STK3: variants seen among roughly 807,000 people sequenced by gnomAD.
The protein encoded by STK3 is serine/threonine-protein kinase 3.
A neutral mutation model predicts 58.0 loss-of-function variants in STK3; 41 were observed. The observed-to-expected ratio is 0.71, with a 90% confidence interval of 0.55 to 0.92. STK3 has a LOEUF of 0.92. STK3 is among the 40% of genes least tolerant of loss of function. STK3 has a pLI of 0.00. For missense variants in STK3, 479 were observed against 602.7 expected, an observed-to-expected ratio of 0.79 and a Z score of 2.15; for synonymous variants, 170 against 191.0, an observed-to-expected ratio of 0.89 and a Z score of 0.91.
intron 9 of STK3, among the ~76,000 whole-genome samples, chr8:98,530,660 A>C (rs1222350153): frequency 1.3e-5 from 2 of 152,222 alleles, no homozygotes; most frequent in Admixed American, 6.5e-5. Flanking sequence ...TTGCTGTATC[A>C]GTTAACTCTT....
At chr8:98,761,672 C>T (rs1830626564) in intron 3 of STK3, among the ~76,000 whole-genome samples, 1 of 152,174 alleles carries the variant, frequency 6.6e-6, no homozygotes, top group African/African-American at 2.4e-5. Flanking sequence ...TAAAACTGAG[C>T]TGTTTCCAGC....
At chr8:98,540,674 A>G (rs1266770132) in intron 9 of STK3, among the ~76,000 whole-genome samples, 4 of 152,224 alleles carry the variant, frequency 2.6e-5, no homozygotes, top group Middle Eastern at 3.4e-3. Context: ...AAATTTAGCA[A>G]CCACTGCCGT....
chr8:98,838,899 C>G (rs1835850769), intron 3 of STK3, among the ~76,000 whole-genome samples: 2 of 151,212 alleles, frequency 1.3e-5, no homozygotes, highest in African/African-American at 2.4e-5. Flanking sequence ...AGGCCGTTTA[C>G]CTTCCTTGGC....
upstream of STK3, among the ~76,000 whole-genome samples, chr8:98,391,733 T>A (rs1817849969): frequency 6.6e-6 from 1 of 152,200 alleles, no homozygotes; most frequent in Non-Finnish European, 1.5e-5. Context: ...GGTTTTTAGC[T>A]GCATTTCACT....
chr8:98,652,693 TAAAAC>T (rs1821060791), intron 6 of STK3, among the ~76,000 whole-genome samples: 1 of 148,638 alleles, frequency 6.7e-6, no homozygotes, highest in Admixed American at 6.8e-5. Context: ...TAGTCTCTGA[TAAAAC>T]AGACTTTAAA....
At chr8:98,888,560 T>A (rs916837497) in intron 1 of STK3, among the ~76,000 whole-genome samples, 1 of 152,128 alleles carries the variant, frequency 6.6e-6, no homozygotes, top group Admixed American at 6.5e-5. Flanking sequence ...AAATCTTAAA[T>A]AAAAGTGTAA....
intron 6 of STK3, among the ~76,000 whole-genome samples, chr8:98,671,221 A>T (rs1822806239): frequency 6.6e-6 from 1 of 152,232 alleles, no homozygotes; most frequent in Non-Finnish European, 1.5e-5. Context: ...TTCCAGAAAC[A>T]TTACCTATGA....
intron 1 of STK3, among the ~76,000 whole-genome samples, chr8:98,775,029 GT>G (rs1284555327): frequency 3.9e-5 from 6 of 152,008 alleles, no homozygotes; most frequent in South Asian, 4.1e-4. Flanking sequence ...ACTTTTATTA[GT>G]TTTTTGTGAA....
At chr8:98,431,380 G>A (rs1407772951) in intron 3 of STK3, 3 of 167,072 alleles carry the variant, frequency 1.8e-5, no homozygotes, top group Non-Finnish European at 4.4e-5. Context: ...AAAGTGAGAT[G>A]ACTTAGAGGC....
chr8:98,811,337 C>A (rs1834202421), intron 1 of STK3, among the ~76,000 whole-genome samples: 10 of 152,124 alleles, frequency 6.6e-5, no homozygotes, highest in Admixed American at 6.5e-4. Flanking sequence ...GTTTTAATGA[C>A]CACACTGCTG....
At chr8:98,579,258 A>G (rs765861618) in intron 8 of STK3, among the ~76,000 whole-genome samples, 10 of 152,226 alleles carry the variant, frequency 6.6e-5, no homozygotes, top group Non-Finnish European at 1.3e-4. Context: ...ATTAATAGCT[A>G]GTTTAATATG....
chr8:98,640,463 AC>A (rs1370547690), intron 6 of STK3, among the ~76,000 whole-genome samples: 1 of 152,226 alleles, frequency 6.6e-6, no homozygotes, highest in Non-Finnish European at 1.5e-5. Flanking sequence ...ATATAAAAAA[AC>A]ATAAAAGTTA....
At chr8:98,886,433 T>C (rs1188346047) in intron 1 of STK3, among the ~76,000 whole-genome samples, 1 of 152,218 alleles carries the variant, frequency 6.6e-6, no homozygotes, top group African/African-American at 2.4e-5. Context: ...GCAATGTATT[T>C]GCAAGAGCAA....
chr8:98,584,344 C>T (rs563840352), intron 7 of STK3, among the ~76,000 whole-genome samples: 54 of 149,902 alleles, frequency 3.6e-4, no homozygotes, highest in African/African-American at 7.6e-4. Flanking sequence ...TGAGAATATA[C>T]GGTGTTTGGT....
At chr8:98,344,656 A>G in the STK3 span, among the ~76,000 whole-genome samples, 7 of 152,058 alleles carry the variant, frequency 4.6e-5, no homozygotes, top group South Asian at 6.2e-4. Context: ...CACTTTGGGA[A>G]GCCGAGGCGG....
downstream of STK3, among the ~76,000 whole-genome samples, chr8:98,454,068 T>C (rs1819324737): frequency 6.6e-6 from 1 of 152,238 alleles, no homozygotes; most frequent in African/African-American, 2.4e-5. Context: ...CAATTTATTA[T>C]TATTTGTAAG....
intron 3 of STK3, among the ~76,000 whole-genome samples, chr8:98,831,765 A>T (rs1051794474): frequency 6.6e-6 from 1 of 152,178 alleles, no homozygotes; most frequent in African/African-American, 2.4e-5. Context: ...TTTCTAACTT[A>T]GTTTTATAGT....
intron 1 of STK3, among the ~76,000 whole-genome samples, chr8:98,444,532 A>AGAGG (rs1340381489): frequency 6.6e-6 from 1 of 152,210 alleles, no homozygotes; most frequent in African/African-American, 2.4e-5. Context: ...GAGGTAGAAT[A>AGAGG]GAGGACACAG....
intron 4 of STK3, among the ~76,000 whole-genome samples, chr8:98,720,713 T>C (rs1301265366): frequency 7.2e-6 from 1 of 139,270 alleles, no homozygotes; most frequent in Non-Finnish European, 1.5e-5. Context: ...ATCACACCAC[T>C]GCACTCCAGC....
Sources: allele counts gnomAD v4.1 joint callset (sites outside exome capture counted in the v4.1 genomes callset), GRCh38; gene constraint gnomAD v4.1.1; transcripts MANE v1.5; gene names NCBI Gene and HGNC (gene_info 2026-07-23, HGNC 2026-07-21).